Variants in ADGRL3 observed in about 807,000 individuals in gnomAD.
The protein encoded by ADGRL3 is calcium-independent alpha-latrotoxin receptor 3.
ADGRL3 carries 62 observed loss-of-function variants against 153.5 expected under a neutral mutation model. The observed-to-expected ratio is 0.40, with a 90% CI of 0.33 to 0.50. The LOEUF is 0.50. ADGRL3 is among the 20% of genes least tolerant of loss of function. The pLI is 0.47. For synonymous variants in ADGRL3, 710 were observed against 672.5 expected (o/e 1.06, Z -0.86); for missense variants, 1,641 against 1,859.4 (o/e 0.88, Z 2.16).
At chr4:61,840,261 G>A (rs981736795) in intron 9 of ADGRL3, among the ~76,000 whole-genome samples, 1 of 151,738 alleles carries the variant, frequency 6.6e-6, no homozygotes, top group South Asian at 2.1e-4. Context: ...TGTATTTTTT[G>A]TGGAGACGGT....
At chr4:61,866,456 C>T (rs1220460692) in intron 9 of ADGRL3, among the ~76,000 whole-genome samples, 1 of 152,164 alleles carries the variant, frequency 6.6e-6, no homozygotes, top group Non-Finnish European at 1.5e-5. Flanking sequence ...TAGTGAACTT[C>T]CTCAGGATCA....
intron 2 of ADGRL3, among the ~76,000 whole-genome samples, chr4:61,447,939 A>G (rs770183852): frequency 1.3e-5 from 2 of 152,210 alleles, no homozygotes; most frequent in Non-Finnish European, 2.9e-5. Flanking sequence ...AAAAACAACA[A>G]CAAAATACGG....
intron 1 of ADGRL3, among the ~76,000 whole-genome samples, chr4:61,340,124 T>A (rs769537033): frequency 6.6e-6 from 1 of 152,196 alleles, no homozygotes; most frequent in Non-Finnish European, 1.5e-5. Context: ...AGCTGTGATG[T>A]GGTGATTAGG....
chr4:61,784,022 C>T (rs1055557912), intron 8 of ADGRL3, among the ~76,000 whole-genome samples: 3 of 151,908 alleles, frequency 2.0e-5, no homozygotes, highest in Non-Finnish European at 4.4e-5. Context: ...TTGAATTACC[C>T]AAAGAGAATA....
intron 4 of ADGRL3, among the ~76,000 whole-genome samples, chr4:61,574,878 G>A (rs1435403056): frequency 2.6e-5 from 4 of 151,588 alleles, no homozygotes; most frequent in Non-Finnish European, 4.4e-5. Flanking sequence ...TAATTTATAT[G>A]AGAAAATTTT....
chr4:61,306,487 C>T (rs909703563), intron 1 of ADGRL3, among the ~76,000 whole-genome samples: 1 of 152,164 alleles, frequency 6.6e-6, no homozygotes, highest in East Asian at 1.9e-4. Context: ...AGGCATTACA[C>T]TGAGTAACAT....
At chr4:61,660,996 A>G (rs541487860) in intron 5 of ADGRL3, among the ~76,000 whole-genome samples, 5 of 152,176 alleles carry the variant, frequency 3.3e-5, no homozygotes, top group Non-Finnish European at 7.4e-5. Context: ...GTAACCCATC[A>G]TTTATTGAAT....
chr4:61,746,685 A>G (rs2096666334), intron 8 of ADGRL3, among the ~76,000 whole-genome samples: 1 of 152,232 alleles, frequency 6.6e-6, no homozygotes, highest in Non-Finnish European at 1.5e-5. Context: ...ACATACCAGA[A>G]TCTCTGGGAC....
At chr4:62,054,039 A>C (rs1255769090) in intron 25 of ADGRL3, among the ~76,000 whole-genome samples, 1 of 151,680 alleles carries the variant, frequency 6.6e-6, no homozygotes, top group Non-Finnish European at 1.5e-5. Context: ...TACCATTAGC[A>C]GACTATCAAA....
intron 1 of ADGRL3, among the ~76,000 whole-genome samples, chr4:61,355,091 G>T (rs987158619): frequency 3.3e-5 from 5 of 152,080 alleles, no homozygotes; most frequent in Non-Finnish European, 5.9e-5. Context: ...TCTAAGGCCA[G>T]TTCCTTAACT....
chr4:61,722,109 T>G (rs924552137), intron 6 of ADGRL3, among the ~76,000 whole-genome samples: 2 of 152,160 alleles, frequency 1.3e-5, no homozygotes, highest in African/African-American at 4.8e-5. Context: ...ACAGTTTACT[T>G]TTTAATCCTT....
At chr4:61,385,761 T>A (rs943236382) in intron 2 of ADGRL3, 8 of 152,180 alleles carry the variant, frequency 5.3e-5, no homozygotes, top group Non-Finnish European at 1.0e-4. Flanking sequence ...TTCACCAACA[T>A]TAAGTACCAA....
chr4:61,487,468 G>A (rs971810142), intron 2 of ADGRL3, among the ~76,000 whole-genome samples: 7 of 152,178 alleles, frequency 4.6e-5, no homozygotes, highest in African/African-American at 9.6e-5. Flanking sequence ...TTATTATTAG[G>A]AAGATGATTA....
chr4:61,436,538 T>TA (rs912866144), intron 2 of ADGRL3, among the ~76,000 whole-genome samples: 30 of 152,092 alleles, frequency 2.0e-4, no homozygotes, highest in African/African-American at 7.2e-4. Flanking sequence ...CCTTAAGAGA[T>TA]ATGTGAACAA....
chr4:61,451,468 G>A (rs1171052778), intron 2 of ADGRL3, among the ~76,000 whole-genome samples: 1 of 152,146 alleles, frequency 6.6e-6, no homozygotes, highest in African/African-American at 2.4e-5. Context: ...ATTGAACAAT[G>A]TTCAGATTGA....
chr4:61,264,943 G>T lies in ADGRL3; in HGVS notation c.-240+63178G>T, dbSNP rs190227935. Among the ~76,000 whole-genome samples the T allele has an allele frequency of 4.6e-5, 7 of 152,034 alleles. No individual in the cohort carries two copies. In the East Asian group the frequency reaches 1.4e-3, roughly 29 times the overall value. ...CAGTAACCATGTATGTCAGTAAAAG[G>T]CATCTTGTGTGTTTCGTGGTTACAG... On this transcript the variant is annotated intron_variant, in intron 1 of 26. Transcript: ENST00000683033.
At chr4:61,562,046 T>G (rs2098797278) in intron 4 of ADGRL3, among the ~76,000 whole-genome samples, 1 of 151,962 alleles carries the variant, frequency 6.6e-6, no homozygotes, top group Admixed American at 6.5e-5. Context: ...TCTGGACCAC[T>G]GTGGTAAATA....
At chr4:61,986,014 T>G (rs1295285649) in intron 19 of ADGRL3, among the ~76,000 whole-genome samples, 2 of 151,586 alleles carry the variant, frequency 1.3e-5, no homozygotes, top group Non-Finnish European at 2.9e-5. Flanking sequence ...AATAACATCT[T>G]TGATATATTC....
intron 2 of ADGRL3, among the ~76,000 whole-genome samples, chr4:61,495,108 G>A (rs1439016047): frequency 6.6e-6 from 1 of 151,974 alleles, no homozygotes; most frequent in African/African-American, 2.4e-5. Context: ...AATGACCATC[G>A]ACAGGAGAAC....
Sources: gnomAD v4.1 joint callset for allele counts (sites outside exome capture counted in the v4.1 genomes callset) on GRCh38, gnomAD v4.1.1 for gene constraint, MANE v1.5 for transcripts, NCBI Gene and HGNC (gene_info 2026-07-23, HGNC 2026-07-21) for gene names.